EFCAB5: variants seen among roughly 807,000 people sequenced by gnomAD.
EFCAB5 encodes the protein EF-hand calcium-binding domain-containing protein 5.
In EFCAB5, 131 loss-of-function variants were observed where a neutral mutation model predicts 167.9. That is an observed-to-expected ratio of 0.78 (90% confidence interval 0.68 to 0.90). The LOEUF (loss-of-function observed/expected upper bound fraction) is 0.90. Among genes scored for constraint, EFCAB5 ranks in the 40% least tolerant of loss-of-function variants. EFCAB5 has a pLI of 0.00. For missense variants in EFCAB5, 1,663 were observed against 1,745.2 expected, an observed-to-expected ratio of 0.95 and a Z score of 0.84; for synonymous variants, 574 against 602.8, an observed-to-expected ratio of 0.95 and a Z score of 0.70.
At chr17:30,029,580 G>A (rs1170665712) in intron 7 of EFCAB5, among the ~76,000 whole-genome samples, 1 of 147,246 alleles carries the variant, frequency 6.8e-6, no homozygotes, top group African/African-American at 2.5e-5. Context: ...TTTTTTTAAA[G>A]TTTCCTCCCT....
chr17:30,064,727 T>G (rs1257551725), intron 14 of EFCAB5, among the ~76,000 whole-genome samples: 1 of 152,060 alleles, frequency 6.6e-6, no homozygotes, highest in Non-Finnish European at 1.5e-5. Flanking sequence ...AAAGTCAAAC[T>G]GTCAAAAGTC....
At chr17:29,937,597 G>A (rs1014854146), upstream of EFCAB5, among the ~76,000 whole-genome samples, 1 of 152,140 alleles carries the variant, frequency 6.6e-6, no homozygotes, top group African/African-American at 2.4e-5. Flanking sequence ...GTGTTTGAAG[G>A]GAGTTTGAGG....
At chr17:30,044,282 A>C (rs1254624298) in intron 8 of EFCAB5, among the ~76,000 whole-genome samples, 1 of 152,190 alleles carries the variant, frequency 6.6e-6, no homozygotes, top group African/African-American at 2.4e-5. Context: ...GGAATGAATA[A>C]AATTAAAAAG....
intron 7 of EFCAB5, among the ~76,000 whole-genome samples, chr17:30,002,329 T>C (rs1026090455): frequency 7.9e-5 from 12 of 152,152 alleles, no homozygotes; most frequent in African/African-American, 2.7e-4. Flanking sequence ...TTAACATTGA[T>C]ATAATGTGTG....
At chr17:29,981,105 T>A (rs1003440930) in intron 4 of EFCAB5, among the ~76,000 whole-genome samples, 2 of 152,242 alleles carry the variant, frequency 1.3e-5, no homozygotes, top group Admixed American at 1.3e-4. Flanking sequence ...TCTTCCAATC[T>A]ATTCTTCATC....
chr17:30,077,688 A>G (rs2070895684), intron 14 of EFCAB5, among the ~76,000 whole-genome samples: 1 of 152,238 alleles, frequency 6.6e-6, no homozygotes, highest in Non-Finnish European at 1.5e-5. Context: ...ATATGGCCTT[A>G]CGGGCAGATG....
chr17:30,006,215 C>A (rs936350475), intron 7 of EFCAB5, among the ~76,000 whole-genome samples: 2 of 152,066 alleles, frequency 1.3e-5, no homozygotes, highest in Non-Finnish European at 2.9e-5. Flanking sequence ...TATTTTATAG[C>A]GTTTGGTTTT....
At position 30,057,864 on chromosome 17, in the gene EFCAB5, CA is replaced by C; in HGVS notation, c.2556del (p.Glu853ArgfsTer3). On this transcript the variant is annotated frameshift_variant, in exon 13 of 23. Coordinates refer to ENST00000394835, the MANE Select transcript of EFCAB5 (RefSeq NM_198529.4). LOFTEE classifies it high-confidence loss of function. ...FFKEGYVETEQEKMNALEQFS... is the reference protein window; with the variant it reads ...FFKEGYVETEXEKMNALEQFS... ...TAAGGAGGGCTATGTTGAAACAGAACAAGAGAAAATGAATGCCTTAGAACAG... is the reference window on the plus strand; with the variant it reads ...TAAGGAGGGCTATGTTGAAACAGAACAGAGAAAATGAATGCCTTAGAACAG... 1 of 1,613,480 alleles carries C rather than the reference CA, an allele frequency of 6.2e-7. No homozygotes were observed. The highest frequency in any genetic ancestry group is 8.5e-7 in the Non-Finnish European group (1 of 1,179,640).
rs572241154 is a variant in EFCAB5 at position 30,023,799 on chromosome 17, C to T, written c.1045-10431C>T. 1.3e-3 allele frequency among the ~76,000 whole-genome samples: 199 copies of T among 152,158 alleles called. 3 individuals carry two copies. Among genetic ancestry groups the T allele is most frequent in the Middle Eastern group, 3.4e-3 (1 of 294 alleles). ...AATCCTGAATAAAATACTGGCAAAC[C>T]GAATCCAGCAACACATCAAAAAGCT... On this transcript the variant is annotated intron_variant, in intron 7 of 22. Coordinates refer to ENST00000394835, the MANE Select transcript of EFCAB5 (RefSeq NM_198529.4).
In EFCAB5 at chr17:30,053,839, C is replaced by T. The variant is rs202049686; in HGVS notation, c.1885C>T (p.Arg629Cys). The change falls in exon 10 of 23, where the codon CGC becomes TGC. Residue 629 changes from arginine to cysteine, a missense_variant. Transcript: ENST00000394835. ...AGGGTCAGTAGCAGAACAAGGATCA[C>T]GCAGAATGTCAGCTGCAGAACAGGG... The part of the protein sequence containing the change: ...HKGSVAEQGS[R>C]RMSAAEQGSL... 119 of 1,613,790 alleles carry T rather than the reference C, an allele frequency of 7.4e-5. No individual in the cohort carries two copies. Among genetic ancestry groups the T allele is most frequent in the East Asian group, 1.6e-4 (7 of 44,892 alleles).
intron 3 of EFCAB5, among the ~76,000 whole-genome samples, chr17:29,944,929 G>T (rs984103027): frequency 6.6e-6 from 1 of 151,922 alleles, no homozygotes; most frequent in Non-Finnish European, 1.5e-5. Context: ...GGCCAACACT[G>T]TTTACTGTTT....
At chr17:30,094,507 CAAAAAAAAAAAAAA>C (rs57885339) in intron 22 of EFCAB5, among the ~76,000 whole-genome samples, 17 of 40,706 alleles carry the variant, frequency 4.2e-4, no homozygotes, top group Non-Finnish European at 9.2e-4. Context: ...CTTGTCTCTC[CAAAAAAAAAAAAAA>C]AAAAAAAAAA....
chr17:30,059,516 C>T (rs748930716), intron 13 of EFCAB5, 29 bp from the exon 14 acceptor site: 25 of 1,566,522 alleles, frequency 1.6e-5, no homozygotes, highest in Admixed American at 7.7e-5. Flanking sequence ...ATATATCTTC[C>T]GTGCTTTATT....
At chr17:30,099,899 G>T (rs2071358478) in intron 22 of EFCAB5, among the ~76,000 whole-genome samples, 2 of 152,056 alleles carry the variant, frequency 1.3e-5, no homozygotes, top group South Asian at 4.1e-4. Flanking sequence ...TTACACAAAG[G>T]TGACCTATAA....
intron 14 of EFCAB5, among the ~76,000 whole-genome samples, chr17:30,076,995 T>C (rs1412345971): frequency 6.6e-6 from 1 of 152,198 alleles, no homozygotes; most frequent in Non-Finnish European, 1.5e-5. Context: ...CTAACCTTTT[T>C]CTAAAGTTTA....
chr17:30,053,295 G>A lies in EFCAB5; in HGVS notation c.1341G>A (p.Leu447=). Residue 447 remains leucine, a synonymous_variant, in exon 10 of 23, where the codon TTG becomes TTA. Coordinates refer to ENST00000394835, the MANE Select transcript of EFCAB5 (RefSeq NM_198529.4). ...IEFEEINLTE[L]WGDMDNQKHI... Reference sequence around the variant, plus strand: ...TTGAAGAGATAAACTTGACTGAGTTGTGGGGAGACATGGATAATCAGAAAC... The same window carrying A: ...TTGAAGAGATAAACTTGACTGAGTTATGGGGAGACATGGATAATCAGAAAC... 1.2e-6 allele frequency: 2 copies of A among 1,612,478 alleles called. No individual in the cohort carries two copies. The highest frequency in any genetic ancestry group is 1.7e-6 in the Non-Finnish European group (2 of 1,178,932).
rs1466371471 is a variant in EFCAB5 at position 29,968,937 on chromosome 17, A to G, written c.337A>G (p.Thr113Ala). Residue 113 changes from threonine (T) to alanine (A), a missense_variant, in exon 4 of 23, where the codon ACA becomes GCA. Physicochemically the swap from Thr to Ala is moderately conservative, Grantham distance 58 (BLOSUM62 0). Transcript: ENST00000394835. Reference sequence around the variant, plus strand: ...TGAACTGAAATCAAAGCCAGAGCACACATGGAAGAAAAACCTTTTTGAAAG... The same window carrying G: ...TGAACTGAAATCAAAGCCAGAGCACGCATGGAAGAAAAACCTTTTTGAAAG... ...ETELKSKPEH[T>A]WKKNLFERME... is the part of the protein sequence containing the mutation. The G allele has an allele frequency of 2.5e-6, 4 of 1,585,634 alleles. No homozygotes were observed. In the African/African-American group the frequency reaches 4.0e-5, roughly 16 times the overall value.
At chr17:29,937,937 C>T (rs2067259624), upstream of EFCAB5, among the ~76,000 whole-genome samples, 1 of 152,116 alleles carries the variant, frequency 6.6e-6, no homozygotes. Flanking sequence ...TAGCACAAAG[C>T]CATTTTAGGA....
At chr17:29,982,865 G>A (rs1416238575) in intron 4 of EFCAB5, among the ~76,000 whole-genome samples, 1 of 152,152 alleles carries the variant, frequency 6.6e-6, no homozygotes, top group African/African-American at 2.4e-5. Flanking sequence ...TTGAATTGAT[G>A]GATAGAATTT....
Sources: allele counts gnomAD v4.1 joint callset (sites outside exome capture counted in the v4.1 genomes callset), GRCh38; gene constraint gnomAD v4.1.1; transcripts MANE v1.5; gene names NCBI Gene and HGNC (gene_info 2026-07-23, HGNC 2026-07-21).